CNTNAP2: variants seen among roughly 807,000 people sequenced by gnomAD.
CNTNAP2 encodes contactin associated protein 2.
CNTNAP2 carries 98 observed loss-of-function variants against 155.2 expected under a neutral mutation model. The ratio of observed to expected loss-of-function variants is 0.63; its 90% CI spans 0.54 to 0.75. CNTNAP2 has a LOEUF of 0.75. CNTNAP2 is among the 30% of genes least tolerant of loss of function. CNTNAP2 has a pLI of 0.00. For synonymous variants in CNTNAP2, 651 were observed against 631.2 expected (o/e 1.03, Z -0.47); for missense variants, 1,727 against 1,688.1 (o/e 1.02, Z -0.40).
chr7:147,382,165 A>G (rs1295013835), intron 9 of CNTNAP2, among the ~76,000 whole-genome samples: 1 of 151,936 alleles, frequency 6.6e-6, no homozygotes, highest in Non-Finnish European at 1.5e-5. Context: ...CATTAGAGGG[A>G]AAAAAAAGAT....
intron 14 of CNTNAP2, among the ~76,000 whole-genome samples, chr7:147,962,568 G>C (rs1275959144): frequency 1.3e-5 from 2 of 152,156 alleles, no homozygotes; most frequent in African/African-American, 4.8e-5. Flanking sequence ...ATTATGAGCT[G>C]TTTGTTGGAC....
intron 13 of CNTNAP2, among the ~76,000 whole-genome samples, chr7:147,897,698 T>C (rs1251122160): frequency 6.6e-6 from 1 of 152,188 alleles, no homozygotes; most frequent in East Asian, 1.9e-4. Flanking sequence ...CAAGACCTAG[T>C]GTAGCTTTTG....
At chr7:148,412,024 C>A (rs1349227091) in intron 23 of CNTNAP2, among the ~76,000 whole-genome samples, 1 of 152,082 alleles carries the variant, frequency 6.6e-6, no homozygotes, top group Non-Finnish European at 1.5e-5. Context: ...GCTCATGCAA[C>A]CTCCGACTCC....
intron 15 of CNTNAP2, among the ~76,000 whole-genome samples, chr7:148,094,654 C>T (rs1444030298): frequency 6.6e-6 from 1 of 152,122 alleles, no homozygotes; most frequent in African/African-American, 2.4e-5. Flanking sequence ...TTTGCATGGG[C>T]ATGAGATTTC....
intron 12 of CNTNAP2, among the ~76,000 whole-genome samples, chr7:147,570,516 A>G (rs6962824): frequency 0.44 from 67,647 of 152,056 alleles, 15,258 homozygotes; most frequent in East Asian, 0.61. Flanking sequence ...TGTCAACCAG[A>G]AATGACAATT....
chr7:147,114,459 A>C (rs1394127995), intron 5 of CNTNAP2, among the ~76,000 whole-genome samples: 1 of 152,112 alleles, frequency 6.6e-6, no homozygotes, highest in Admixed American at 6.6e-5. Context: ...CTCTTTGAAG[A>C]TCTCTAAGAA....
chr7:148,201,666 C>T (rs1012000923), intron 18 of CNTNAP2, among the ~76,000 whole-genome samples: 1 of 152,064 alleles, frequency 6.6e-6, no homozygotes, highest in Non-Finnish European at 1.5e-5. Flanking sequence ...CTTTGTGCCC[C>T]GTCCTTTGGG....
At chr7:147,020,487 T>C (rs1352487701) in intron 3 of CNTNAP2, among the ~76,000 whole-genome samples, 2 of 152,124 alleles carry the variant, frequency 1.3e-5, no homozygotes, top group African/African-American at 4.8e-5. Flanking sequence ...GCCCCATATC[T>C]CCTTGTTATA....
At chr7:146,710,659 C>T (rs1235456180) in intron 1 of CNTNAP2, among the ~76,000 whole-genome samples, 1 of 152,026 alleles carries the variant, frequency 6.6e-6, no homozygotes, top group East Asian at 1.9e-4. Flanking sequence ...TGATTTTTTT[C>T]CTCTGTTCTC....
intron 8 of CNTNAP2, among the ~76,000 whole-genome samples, chr7:147,182,238 G>T (rs757745768): frequency 6.6e-6 from 1 of 151,526 alleles, no homozygotes; most frequent in Non-Finnish European, 1.5e-5. Flanking sequence ...AACCAGCTTT[G>T]CACAGCTGTG....
chr7:147,179,130 C>G (rs1802407172), intron 8 of CNTNAP2, among the ~76,000 whole-genome samples: 1 of 152,118 alleles, frequency 6.6e-6, no homozygotes, highest in Non-Finnish European at 1.5e-5. Flanking sequence ...TAAGAGTCTT[C>G]TAGATTTCTA....
intron 1 of CNTNAP2, among the ~76,000 whole-genome samples, chr7:146,643,625 G>A (rs1278588472): frequency 1.3e-5 from 2 of 152,052 alleles, no homozygotes; most frequent in Admixed American, 6.6e-5. Context: ...TTGGCTTAGG[G>A]TTGACTTGGC....
intron 10 of CNTNAP2, among the ~76,000 whole-genome samples, chr7:147,416,787 C>T (rs945222870): frequency 3.3e-5 from 5 of 152,132 alleles, no homozygotes; most frequent in African/African-American, 1.2e-4. Flanking sequence ...AGTATTAGGA[C>T]ATCTGCATAA....
At chr7:146,305,595 A>C (rs2007048879) in intron 1 of CNTNAP2, among the ~76,000 whole-genome samples, 1 of 152,058 alleles carries the variant, frequency 6.6e-6, no homozygotes, top group African/African-American at 2.4e-5. Flanking sequence ...AGAACGGCAA[A>C]TATTGCTGCC....
chr7:146,940,838 AAG>A (rs889341219), intron 3 of CNTNAP2, among the ~76,000 whole-genome samples: 2 of 124,110 alleles, frequency 1.6e-5, no homozygotes, highest in Non-Finnish European at 1.8e-5. Context: ...TATAGAGAGA[AAG>A]AGAGAGAAAG....
rs139387529 is a variant in CNTNAP2 at position 148,076,013 on chromosome 7, A to T, written c.2384-42105A>T. ...TCTTCATAGGTATTTAGACAAGTAA[A>T]CACCTGTAAAGGAAGAATGTGGGCA... On this transcript the variant is annotated intron_variant, in intron 15 of 23. Coordinates refer to ENST00000361727, the MANE Select transcript of CNTNAP2 (RefSeq NM_014141.6). Among the ~76,000 whole-genome samples, 13 of 152,342 alleles carry T rather than the reference A, an allele frequency of 8.5e-5. No individual in the cohort carries two copies. The East Asian group carries it at 2.5e-3, about 29-fold the overall frequency.
intron 2 of CNTNAP2, among the ~76,000 whole-genome samples, chr7:146,787,709 C>T (rs1302279853): frequency 1.3e-5 from 2 of 152,280 alleles, no homozygotes; most frequent in East Asian, 1.9e-4. Flanking sequence ...GCTTTTCTTC[C>T]CTTATCTGGC....
At chr7:146,708,517 A>G (rs1052684227) in intron 1 of CNTNAP2, among the ~76,000 whole-genome samples, 4 of 150,076 alleles carry the variant, frequency 2.7e-5, no homozygotes, top group African/African-American at 9.9e-5. Context: ...TATTTCCAGA[A>G]CTTATATTTC....
intron 1 of CNTNAP2, among the ~76,000 whole-genome samples, chr7:146,188,542 A>G (rs755549258): frequency 1.3e-5 from 2 of 152,182 alleles, no homozygotes; most frequent in Non-Finnish European, 2.9e-5. Flanking sequence ...CCTGCAACAC[A>G]TGGCTTAGAC....
Sources: allele counts gnomAD v4.1 joint callset (sites outside exome capture counted in the v4.1 genomes callset), GRCh38; gene constraint gnomAD v4.1.1; transcripts MANE v1.5; gene names NCBI Gene and HGNC (gene_info 2026-07-23, HGNC 2026-07-21).